STK40: variants seen among roughly 807,000 people sequenced by gnomAD.
The protein encoded by STK40 is serine/threonine kinase 40.
A neutral mutation model predicts 47.9 loss-of-function variants in STK40; 13 were observed. That is an observed-to-expected ratio of 0.27 (90% CI 0.18 to 0.43). STK40 has a LOEUF of 0.43. Among genes scored for constraint, STK40 ranks in the 20% least tolerant of loss-of-function variants. STK40 has a pLI of 1.00. For synonymous variants in STK40, 225 were observed against 243.2 expected, an observed-to-expected ratio of 0.93 and a Z score of 0.69; for missense variants, 460 against 595.1, an observed-to-expected ratio of 0.77 and a Z score of 2.36.
Position 36,361,288 on chromosome 1 carries a change from G to A in STK40, c.45C>T (p.Ala15=). 6.2e-7 allele frequency: 1 copy of A among 1,614,214 alleles called. No homozygotes were observed. The highest frequency in any genetic ancestry group is 8.5e-7 in the Non-Finnish European group (1 of 1,180,026). The change falls in exon 2 of 11, where the codon GCC becomes GCT. Residue 15 remains alanine (A), a synonymous_variant. Coordinates refer to ENST00000373132, the MANE Select transcript of STK40 (RefSeq NM_001282547.2). ...ASDRGAGETS[A]RAKALGSGIS... The stretch of plus-strand genomic sequence containing the variant: ...TCCCACTTCCTAGAGCCTTGGCCCT[G>A]GCCGACGTTTCCCCAGCTCCTCTGT...
chr1:36,364,315 A>C (rs998573563), intron 1 of STK40, among the ~76,000 whole-genome samples: 1 of 151,348 alleles, frequency 6.6e-6, no homozygotes, highest in Non-Finnish European at 1.5e-5. Flanking sequence ...GGTATTTGAC[A>C]GATGCTGCCA....
At chr1:36,371,134 C>T (rs1315902841) in intron 1 of STK40, among the ~76,000 whole-genome samples, 1 of 151,934 alleles carries the variant, frequency 6.6e-6, no homozygotes, top group Non-Finnish European at 1.5e-5. Flanking sequence ...CCACCTGGGC[C>T]TCCCAAAGTG....
At chr1:36,350,616 G>A (rs1646743522) in intron 6 of STK40, among the ~76,000 whole-genome samples, 1 of 152,242 alleles carries the variant, frequency 6.6e-6, no homozygotes, top group South Asian at 2.1e-4. Flanking sequence ...TAATCTCATG[G>A]AGGGCACTTA....
intron 1 of STK40, chr1:36,362,450 T>A (rs1646860978): frequency 6.6e-6 from 1 of 152,154 alleles, no homozygotes; most frequent in Non-Finnish European, 1.5e-5. Flanking sequence ...CATGCCCAGG[T>A]AAGAAATGGC....
intron 1 of STK40, among the ~76,000 whole-genome samples, chr1:36,373,334 C>T (rs1380181450): frequency 1.3e-5 from 2 of 152,112 alleles, no homozygotes; most frequent in South Asian, 2.1e-4. Flanking sequence ...GGGCACCCAC[C>T]GCTTGCCAGA....
intron 4 of STK40, among the ~76,000 whole-genome samples, chr1:36,356,848 T>G (rs1181839472): frequency 6.6e-6 from 1 of 152,220 alleles, no homozygotes; most frequent in Non-Finnish European, 1.5e-5. Context: ...CAAAATGACA[T>G]GAACTAAGGC....
Position 36,348,628 on chromosome 1 carries a change from T to C in STK40, c.739+72A>G, listed in dbSNP as rs113040985. On this transcript the variant is annotated intron_variant, in intron 7 of 10. Transcript: ENST00000373132. ...ACCTTGCCCAGGGCCTGCCCACAAA[T>C]TTGCTGAGTGGACTGTCACAGAGCC... 1.7e-5 allele frequency: 25 copies of C among 1,452,926 alleles called. 1 individual carries two copies. In the African/African-American group the frequency reaches 2.0e-4, roughly 11 times the overall value. 90.0% of individuals were successfully genotyped at this position (1,452,926 alleles called of 1,614,324 possible).
chr1:36,363,446 C>T (rs1646870887), intron 1 of STK40, among the ~76,000 whole-genome samples: 2 of 152,118 alleles, frequency 1.3e-5, no homozygotes, highest in African/African-American at 2.4e-5. Flanking sequence ...TACACAGGCT[C>T]CTTGGTACAA....
chr1:36,343,344 A>G lies in STK40; in HGVS notation c.1089+20T>C, dbSNP rs1400937243. 1 of 1,607,532 alleles carries G rather than the reference A, an allele frequency of 6.2e-7. No individual in the cohort carries two copies. The highest frequency in any genetic ancestry group is 1.3e-5 in the African/African-American group (1 of 74,836). Reference sequence around the variant, plus strand: ...GTCCCTTGGGGCTGGGTAATGGCCCATCTGCCCTCCCCAACTCACCTCCTG... The same window carrying G: ...GTCCCTTGGGGCTGGGTAATGGCCCGTCTGCCCTCCCCAACTCACCTCCTG... On this transcript the variant is annotated intron_variant, in intron 10 of 10. Transcript: ENST00000373132.
intron 1 of STK40, among the ~76,000 whole-genome samples, chr1:36,363,000 A>G (rs1037191892): frequency 3.3e-5 from 5 of 152,182 alleles, no homozygotes; most frequent in Admixed American, 6.5e-5. Flanking sequence ...TACTAAAAAT[A>G]CAGAAATTAG....
At chr1:36,362,611 C>T (rs900548148) in intron 1 of STK40, 6 of 152,210 alleles carry the variant, frequency 3.9e-5, no homozygotes, top group African/African-American at 1.4e-4. Flanking sequence ...CACAGAACTC[C>T]AGCCTGTTCC....
intron 1 of STK40, among the ~76,000 whole-genome samples, chr1:36,378,224 G>A (rs541837215): frequency 5.5e-4 from 84 of 152,282 alleles, no homozygotes; most frequent in African/African-American, 2.0e-3. Flanking sequence ...ATTCTATGTG[G>A]GCTGGACTCC....
intron 1 of STK40, among the ~76,000 whole-genome samples, chr1:36,376,728 G>A (rs1046819721): frequency 6.6e-5 from 10 of 151,914 alleles, no homozygotes; most frequent in African/African-American, 2.4e-4. Context: ...AGGAATATAT[G>A]TACAACATAA....
intron 6 of STK40, among the ~76,000 whole-genome samples, chr1:36,351,479 G>A (rs1203244312): frequency 1.3e-5 from 2 of 152,140 alleles, no homozygotes; most frequent in Non-Finnish European, 2.9e-5. Flanking sequence ...GGACACACAC[G>A]GAGCAGTGAG....
At chr1:36,371,661 C>T (rs1011385205) in intron 1 of STK40, among the ~76,000 whole-genome samples, 11 of 121,060 alleles carry the variant, frequency 9.1e-5, no homozygotes, top group African/African-American at 2.9e-4. Flanking sequence ...CTCCAGCCTG[C>T]GTGACAGAGC....
chr1:36,378,206 A>AGTCCAAGATTCTATGT (rs1647007773), intron 1 of STK40, among the ~76,000 whole-genome samples: 2 of 152,304 alleles, frequency 1.3e-5, no homozygotes, highest in African/African-American at 4.8e-5. Context: ...TGGCTCTATG[A>AGTCCAAGATTCTATGT]GTCCAAGATT....
At chr1:36,381,794 T>G (rs1168961108) in intron 1 of STK40, among the ~76,000 whole-genome samples, 1 of 152,014 alleles carries the variant, frequency 6.6e-6, no homozygotes, top group East Asian at 1.9e-4. Flanking sequence ...CAGTCCCAGT[T>G]CAAGTTCTAA....
At position 36,340,240 on chromosome 1, in the gene STK40, G is replaced by A. The variant is rs1380968358; in HGVS notation, c.*1515C>T. The A allele has an allele frequency of 6.5e-6, 1 of 152,868 alleles. No individual in the cohort carries two copies. Among genetic ancestry groups the A allele is most frequent in the East Asian group, 1.9e-4 (1 of 5,196 alleles). 9.5% of individuals were successfully genotyped at this position (152,868 alleles called of 1,614,324 possible). The stretch of plus-strand genomic sequence containing the variant: ...TCGCCCAAGTGCTGGATGGGGCATG[G>A]GGAGAAAGGGGCGTGGGCAGCCCTG... On this transcript the variant is annotated 3_prime_UTR_variant, in exon 11 of 11. Transcript: ENST00000373132.
chr1:36,385,034 C>G (rs1313992520), intron 1 of STK40, among the ~76,000 whole-genome samples: 1 of 152,176 alleles, frequency 6.6e-6, no homozygotes, highest in African/African-American at 2.4e-5. Flanking sequence ...GGGCTTCAAA[C>G]CTGGGGATTG....
Sources: gnomAD v4.1 joint callset for allele counts (sites outside exome capture counted in the v4.1 genomes callset) on GRCh38, gnomAD v4.1.1 for gene constraint, MANE v1.5 for transcripts, NCBI Gene and HGNC (gene_info 2026-07-23, HGNC 2026-07-21) for gene names.